The following CFAP53 variants were observed in gnomAD, a reference collection of about 807,000 sequenced individuals.
CFAP53 encodes cilia- and flagella-associated protein 53.
In CFAP53, 62 loss-of-function variants were observed where a neutral mutation model predicts 59.7. The observed-to-expected ratio is 1.04, with a 90% CI of 0.85 to 1.28. The LOEUF (loss-of-function observed/expected upper bound fraction) is 1.28, where lower values mean the gene tolerates loss of function less well. CFAP53 is among the 50% of genes most tolerant of loss of function. The pLI is 0.00. For missense variants in CFAP53, 629 were observed against 615.6 expected, an observed-to-expected ratio of 1.02 and a Z score of -0.23; for synonymous variants, 218 against 205.7, an observed-to-expected ratio of 1.06 and a Z score of -0.51.
In CFAP53 at chr18:50,261,290, T is replaced by C. The variant is rs2033891849; in HGVS notation, c.300-53A>G. On this transcript the variant is annotated intron_variant, in intron 2 of 7. Transcript: ENST00000398545. Reference sequence around the variant, plus strand: ...AAAAAAAGAAAACTGTCATGCTACATGCATCGTTATATTCAATTTCAGAAC... The same window carrying C: ...AAAAAAAGAAAACTGTCATGCTACACGCATCGTTATATTCAATTTCAGAAC... 5 of 1,435,998 alleles carry C rather than the reference T, an allele frequency of 3.5e-6. No homozygotes were observed. In the South Asian group the frequency reaches 7.5e-5, roughly 21 times the overall value. The allele number at this position is 1,435,998 out of a possible 1,614,324, so 89.0% of individuals were successfully genotyped here.
intron 5 of CFAP53, among the ~76,000 whole-genome samples, chr18:50,249,577 T>C (rs2033778676): frequency 6.6e-6 from 1 of 151,982 alleles, no homozygotes; most frequent in African/African-American, 2.4e-5. Context: ...ATCCAAAAAG[T>C]TGGACAAATC....
At chr18:50,256,743 C>T (rs149456183) in intron 3 of CFAP53, among the ~76,000 whole-genome samples, 175 of 152,010 alleles carry the variant, frequency 1.2e-3, no homozygotes, top group African/African-American at 3.9e-3. Flanking sequence ...TTTCTCTGCA[C>T]CATGTCTTGA....
In CFAP53 at chr18:50,266,351, G is replaced by A; in HGVS notation, c.54C>T (p.Pro18=). 6.2e-7 allele frequency: 1 copy of A among 1,614,198 alleles called. No individual in the cohort carries two copies. The highest frequency in any genetic ancestry group is 8.5e-7 in the Non-Finnish European group (1 of 1,179,972). ...TVQREVKGPT[P]KVVIVRSKPP... is the part of the protein sequence containing the mutation. ...CTGTGCTTACCACGATCACCACTTTGGGGGTGGGGCCCTTAACCTCCCGCT... is the reference window on the plus strand; with the variant it reads ...CTGTGCTTACCACGATCACCACTTTAGGGGTGGGGCCCTTAACCTCCCGCT... The change falls in exon 1 of 8, where the codon CCC becomes CCT. Residue 18 remains proline, a synonymous_variant. Transcript: ENST00000398545.
At chr18:50,244,435 GC>G (rs1200422615) in intron 5 of CFAP53, among the ~76,000 whole-genome samples, 2 of 152,082 alleles carry the variant, frequency 1.3e-5, no homozygotes, top group African/African-American at 4.8e-5. Context: ...GCCTTCCCCA[GC>G]CATGTGAAAC....
At chr18:50,241,047 A>G (rs1239803196) in intron 6 of CFAP53, among the ~76,000 whole-genome samples, 1 of 152,250 alleles carries the variant, frequency 6.6e-6, no homozygotes, top group Non-Finnish European at 1.5e-5. Flanking sequence ...TGGTAGCCAT[A>G]AAGTTAACTT....
intron 3 of CFAP53, among the ~76,000 whole-genome samples, chr18:50,253,472 A>G (rs1360322270): frequency 6.6e-6 from 1 of 152,242 alleles, no homozygotes; most frequent in East Asian, 1.9e-4. Context: ...TTAAAGCAAC[A>G]GAGACTCAGG....
intron 3 of CFAP53, among the ~76,000 whole-genome samples, chr18:50,260,329 G>A (rs1459393398): frequency 6.6e-6 from 1 of 152,134 alleles, no homozygotes; most frequent in Non-Finnish European, 1.5e-5. Context: ...TCAGACCCCA[G>A]TGATCAGAAT....
chr18:50,234,559 C>T (rs897097500), intron 7 of CFAP53, among the ~76,000 whole-genome samples: 31 of 152,216 alleles, frequency 2.0e-4, no homozygotes, highest in Non-Finnish European at 3.2e-4. Flanking sequence ...GTTACAAGGT[C>T]CCTCCTCAGG....
intron 6 of CFAP53, among the ~76,000 whole-genome samples, 196 bp downstream of exon 6, chr18:50,242,704 G>A (rs765867214): frequency 5.3e-5 from 8 of 152,106 alleles, no homozygotes; most frequent in African/African-American, 1.4e-4. Context: ...ACTTCTCCCC[G>A]TGACTGATTG....
intron 5 of CFAP53, among the ~76,000 whole-genome samples, chr18:50,244,290 C>T (rs571309816): frequency 5.3e-5 from 8 of 152,118 alleles, no homozygotes; most frequent in African/African-American, 1.9e-4. Flanking sequence ...GGGTAGTTTC[C>T]CCCATGCTGT....
chr18:50,259,380 A>G (rs1196749558), intron 3 of CFAP53, among the ~76,000 whole-genome samples: 1 of 145,258 alleles, frequency 6.9e-6, no homozygotes, highest in Non-Finnish European at 1.5e-5. Flanking sequence ...TGTTCTCACT[A>G]GTTTGTGGGA....
intron 7 of CFAP53, among the ~76,000 whole-genome samples, chr18:50,236,301 T>C (rs4424991): frequency 0.29 from 43,979 of 151,694 alleles, 6,743 homozygotes; most frequent in African/African-American, 0.38. Context: ...CTACTTTCTC[T>C]AGTTAATCTG....
At chr18:50,235,148 A>G (rs1321304535) in intron 7 of CFAP53, among the ~76,000 whole-genome samples, 1 of 152,228 alleles carries the variant, frequency 6.6e-6, no homozygotes, top group Non-Finnish European at 1.5e-5. Context: ...AAGATAAAAG[A>G]AGACATCAAA....
chr18:50,243,734 G>C (rs1045250657), intron 5 of CFAP53, among the ~76,000 whole-genome samples: 1 of 152,028 alleles, frequency 6.6e-6, no homozygotes, highest in African/African-American at 2.4e-5. Flanking sequence ...GGTGGATCAC[G>C]AGGTCAGGAG....
At chr18:50,253,500 C>CA (rs1322389665) in intron 3 of CFAP53, among the ~76,000 whole-genome samples, 1 of 152,120 alleles carries the variant, frequency 6.6e-6, no homozygotes, top group Non-Finnish European at 1.5e-5. Context: ...AGTGTCTTCC[C>CA]AAGTCACATA....
chr18:50,250,813 A>C lies in CFAP53; in HGVS notation c.941T>G (p.Val314Gly), dbSNP rs372335981. ...CTGTAAGTCTTGAAGGGCCCTTTGC[A>C]CGAGCTTCATGTTCAAGTCCTGTTC... ...RDEQDLNMKLVQRALQDLQEE... is the reference protein window; with the variant it reads ...RDEQDLNMKLGQRALQDLQEE... Residue 314 changes from valine to glycine, a missense_variant, in exon 5 of 8, where the codon GTG (valine) becomes GGG (glycine). By Grantham distance (109) the Val-to-Gly change is moderately radical. Coordinates refer to ENST00000398545, the MANE Select transcript of CFAP53 (RefSeq NM_145020.5). 38 of 1,614,176 alleles carry C rather than the reference A, an allele frequency of 2.4e-5. No individual in the cohort carries two copies. In the East Asian group the frequency reaches 4.7e-4, roughly 20 times the overall value.
intron 3 of CFAP53, among the ~76,000 whole-genome samples, chr18:50,258,440 G>A (rs1405295621): frequency 6.6e-6 from 1 of 152,116 alleles, no homozygotes; most frequent in Non-Finnish European, 1.5e-5. Flanking sequence ...TTCATCATAT[G>A]CAAAAATCAA....
chr18:50,244,643 T>C (rs973404881), intron 5 of CFAP53, among the ~76,000 whole-genome samples: 5 of 152,102 alleles, frequency 3.3e-5, no homozygotes, highest in African/African-American at 1.2e-4. Flanking sequence ...TCAAGAAAAC[T>C]ATCAAAGTCT....
intron 3 of CFAP53, among the ~76,000 whole-genome samples, chr18:50,256,653 C>G (rs1183528368): frequency 6.6e-6 from 1 of 151,926 alleles, no homozygotes; most frequent in African/African-American, 2.4e-5. Flanking sequence ...CTTTTGGCCT[C>G]TAGTAAGAGG....
Sources: gnomAD v4.1 joint callset for allele counts (sites outside exome capture counted in the v4.1 genomes callset) on GRCh38, gnomAD v4.1.1 for gene constraint, MANE v1.5 for transcripts, NCBI Gene and HGNC (gene_info 2026-07-23, HGNC 2026-07-21) for gene names.